The following ZNF479 variants were observed in gnomAD, a reference collection of about 807,000 sequenced individuals.
ZNF479 encodes the protein KRAB zinc finger protein KR19.
A neutral mutation model predicts 14.7 loss-of-function variants in ZNF479; 15 were observed. The observed-to-expected ratio is 1.02, with a 90% CI of 0.68 to 1.57. The LOEUF (loss-of-function observed/expected upper bound fraction) is 1.57, where lower values mean the gene tolerates loss of function less well. Among genes scored for constraint, ZNF479 ranks in the 40% most tolerant of loss-of-function variants. The pLI is 0.00. For missense variants in ZNF479, 506 were observed against 615.1 expected, an observed-to-expected ratio of 0.82 and a Z score of 1.88; for synonymous variants, 145 against 211.5, an observed-to-expected ratio of 0.69 and a Z score of 2.73.
chr7:57,132,013 G>A (rs1432666482), intron 1 of ZNF479, among the ~76,000 whole-genome samples: 1 of 152,150 alleles, frequency 6.6e-6, no homozygotes, highest in Admixed American at 6.6e-5. Context: ...ATCTGGGTGA[G>A]ATGAGGCGCT....
intron 1 of ZNF479, among the ~76,000 whole-genome samples, chr7:57,130,939 A>G (rs1374422286): frequency 6.6e-6 from 1 of 152,222 alleles, no homozygotes; most frequent in African/African-American, 2.4e-5. Flanking sequence ...GAACAACATC[A>G]TGTCCTTTGC....
rs528336805 is a variant in ZNF479 at position 57,131,125 on chromosome 7, G to T, written c.39+1161C>A. On this transcript the variant is annotated intron_variant, in intron 1 of 3. Coordinates refer to ENST00000319636, the MANE Select transcript of ZNF479 (RefSeq NM_001370129.2). ...GTCTGTTCAGGGTAGAGGATCAGAG[G>T]ATGAAGAAAATCAGAAAACAAATCT... Among the ~76,000 whole-genome samples the T allele has an allele frequency of 3.9e-5, 6 of 152,212 alleles. No individual in the cohort carries two copies. In the South Asian group the frequency reaches 1.2e-3, roughly 32 times the overall value.
upstream of ZNF479, among the ~76,000 whole-genome samples, chr7:57,135,973 A>ATCTCTCTCTCTCTCTCTCTCTCTCTCTC (rs57853604): frequency 5.6e-5 from 7 of 125,318 alleles, no homozygotes; most frequent in African/African-American, 1.7e-4. Context: ...CTCTCTCTCA[A>ATCTCTCTCTCTCTCTCTCTCTCTCTCTC]TCTCTCTCTC....
At chr7:57,124,435 G>A (rs111453596) in intron 3 of ZNF479, among the ~76,000 whole-genome samples, 1 of 152,016 alleles carries the variant, frequency 6.6e-6, no homozygotes, top group African/African-American at 2.4e-5. Context: ...GAAGTTGAAT[G>A]GTTTAATTGC....
At chr7:57,131,578 ACAAACAAAC>A (rs1786422000) in intron 1 of ZNF479, among the ~76,000 whole-genome samples, 1 of 132,818 alleles carries the variant, frequency 7.5e-6, no homozygotes, top group Non-Finnish European at 1.7e-5. Flanking sequence ...TAAAAAACAA[ACAAACAAAC>A]AAAAAAAAAA....
intron 3 of ZNF479, among the ~76,000 whole-genome samples, chr7:57,125,143 T>G (rs1366646205): frequency 6.6e-6 from 1 of 152,148 alleles, no homozygotes; most frequent in Non-Finnish European, 1.5e-5. Context: ...GAAGAAGCAT[T>G]TGAAAGGTTG....
Position 57,119,235 on chromosome 7 carries a change from T to C in ZNF479, c.*605A>G, listed in dbSNP as rs1263750620. Among the ~76,000 whole-genome samples the C allele has an allele frequency of 3.9e-4, 60 of 152,214 alleles. No individual in the cohort carries two copies. Among genetic ancestry groups the C allele is most frequent in the Non-Finnish European group, 5.6e-4 (38 of 68,044 alleles). On this transcript the variant is annotated 3_prime_UTR_variant, in exon 4 of 4. Coordinates refer to ENST00000319636, the MANE Select transcript of ZNF479 (RefSeq NM_001370129.2). ...AAGACTAGTTAACAGCTTTACCACA[T>C]TCTTTGCTTTTGTAGAGTTTCTCTC...
intron 3 of ZNF479, among the ~76,000 whole-genome samples, chr7:57,124,965 G>A (rs58056266): frequency 0.017 from 2,567 of 152,198 alleles, 17 homozygotes; most frequent in African/African-American, 0.058. Context: ...CAGCTACTCA[G>A]GAGGCTGAGG....
intron 1 of ZNF479, among the ~76,000 whole-genome samples, chr7:57,138,030 T>C (rs1254591962): frequency 6.6e-6 from 1 of 152,178 alleles, no homozygotes; most frequent in Non-Finnish European, 1.5e-5. Context: ...ATATTGCTTT[T>C]CCTAGCACCC....
chr7:57,138,048 G>A (rs1345112499), intron 1 of ZNF479, among the ~76,000 whole-genome samples: 1 of 152,116 alleles, frequency 6.6e-6, no homozygotes, highest in African/African-American at 2.4e-5. Context: ...CCCAGGAGAT[G>A]TGACTTTTAT....
At chr7:57,124,961 C>T (rs1308306263) in intron 3 of ZNF479, among the ~76,000 whole-genome samples, 1 of 152,116 alleles carries the variant, frequency 6.6e-6, no homozygotes, top group African/African-American at 2.4e-5. Flanking sequence ...ATCCCAGCTA[C>T]TCAGGAGGCT....
chr7:57,139,759 C>T (rs1256706692), exon 1 of ZNF479: 1 of 152,208 alleles, frequency 6.6e-6, no homozygotes, highest in Non-Finnish European at 1.5e-5. Flanking sequence ...ATCACAAGAC[C>T]TTTAACCCAA....
rs1317481026 is a variant in ZNF479, at chr7:57,119,156, C to G, written c.*684G>C. ...GACTTTTTAAAGACATTACCATATT[C>G]CTTATTGTAGGGTTTCTCTTCAGTA... On this transcript the variant is annotated 3_prime_UTR_variant, in exon 4 of 4. Transcript: ENST00000319636. 6.6e-6 allele frequency among the ~76,000 whole-genome samples: 1 copy of G among 152,078 alleles called. No homozygotes were observed. The highest frequency in any genetic ancestry group is 1.9e-4 in the East Asian group (1 of 5,194).
At chr7:57,126,309 TTGG>T in intron 2 of ZNF479, among the ~76,000 whole-genome samples, 196 bp from the exon 3 acceptor site, 1 of 151,344 alleles carries the variant, frequency 6.6e-6, no homozygotes, top group Middle Eastern at 3.4e-3. Flanking sequence ...GAATCAAAAA[TTGG>T]TGGCAGCAAC....
At chr7:57,138,224 C>T (rs35528734) in intron 1 of ZNF479, among the ~76,000 whole-genome samples, 43,413 of 151,974 alleles carry the variant, frequency 0.29, 7,158 homozygotes, top group East Asian at 0.53. Context: ...CAGTAGAAGA[C>T]ATTTTAACTC....
intron 1 of ZNF479, among the ~76,000 whole-genome samples, chr7:57,138,870 T>C (rs1786758424): frequency 6.6e-6 from 1 of 152,218 alleles, no homozygotes; most frequent in Non-Finnish European, 1.5e-5. Context: ...AGTTGGATCA[T>C]GTCGGTCACA....
chr7:57,136,192 C>G (rs1022391094), upstream of ZNF479, among the ~76,000 whole-genome samples: 10 of 151,972 alleles, frequency 6.6e-5, no homozygotes, highest in African/African-American at 2.4e-4. Flanking sequence ...AAGACCAGCC[C>G]GGCCAACATG....
Position 57,129,558 on chromosome 7 carries a change from A to C in ZNF479, c.39+2728T>G, listed in dbSNP as rs142376221. Among the ~76,000 whole-genome samples, 300 of 152,278 alleles carry C rather than the reference A, an allele frequency of 2.0e-3. 12 individuals are homozygous for C. The East Asian group carries it at 0.052, about 26-fold the overall frequency. ...GCTTTTTTAAGTTTACAGGGACAAC[A>C]GAAGACAGTAATGTCTGAGTGAATC... On this transcript the variant is annotated intron_variant, in intron 1 of 3. Coordinates refer to ENST00000319636, the MANE Select transcript of ZNF479 (RefSeq NM_001370129.2).
At chr7:57,137,341 GA>G (rs1000706084), upstream of ZNF479, among the ~76,000 whole-genome samples, 1 of 151,632 alleles carries the variant, frequency 6.6e-6, no homozygotes, top group South Asian at 2.1e-4. Flanking sequence ...TACTAAAAAA[GA>G]AAAAAAAGAG....
Sources: allele counts gnomAD v4.1 joint callset (sites outside exome capture counted in the v4.1 genomes callset), GRCh38; gene constraint gnomAD v4.1.1; transcripts MANE v1.5; gene names NCBI Gene and HGNC (gene_info 2026-07-23, HGNC 2026-07-21).